Variants in MORC1 observed in about 807,000 individuals in gnomAD.
The protein encoded by MORC1 is MORC family CW-type zinc finger protein 1.
Under a neutral mutation model 134.9 loss-of-function variants are expected in MORC1, and 59 were observed. The observed-to-expected ratio is 0.44, with a 90% CI of 0.35 to 0.54. The LOEUF is 0.54. Among genes scored for constraint, MORC1 ranks in the 20% least tolerant of loss-of-function variants. The pLI is 0.00. For synonymous variants in MORC1, 395 were observed against 391.7 expected, an observed-to-expected ratio of 1.01 and a Z score of -0.10; for missense variants, 947 against 1,134.5, an observed-to-expected ratio of 0.83 and a Z score of 2.37.
At chr3:108,966,114 T>C (rs541394312) in intron 26 of MORC1, among the ~76,000 whole-genome samples, 28 of 152,340 alleles carry the variant, frequency 1.8e-4, no homozygotes, top group African/African-American at 5.3e-4. Context: ...AACATTTTAA[T>C]TAAGGTGAGA....
intron 17 of MORC1, among the ~76,000 whole-genome samples, chr3:109,022,036 G>A (rs752157747): frequency 2.6e-5 from 4 of 152,086 alleles, no homozygotes; most frequent in Non-Finnish European, 4.4e-5. Context: ...ATCCCTCTTC[G>A]AAAAGCAATA....
At chr3:109,085,912 T>C (rs2107743661) in intron 8 of MORC1, among the ~76,000 whole-genome samples, 1 of 152,140 alleles carries the variant, frequency 6.6e-6, no homozygotes, top group East Asian at 1.9e-4. Context: ...TACTCAGCCA[T>C]AAAAAAGTAT....
intron 24 of MORC1, among the ~76,000 whole-genome samples, chr3:108,977,318 G>A (rs1447840327): frequency 6.6e-6 from 1 of 152,186 alleles, no homozygotes; most frequent in Non-Finnish European, 1.5e-5. Context: ...TAAAAAGTAA[G>A]TGGGTGGATG....
At chr3:109,005,358 C>T in intron 18 of MORC1, 43 bp from the exon 19 acceptor site, 1 of 1,501,396 alleles carries the variant, frequency 6.7e-7, no homozygotes, top group Admixed American at 2.2e-5. Flanking sequence ...GGTAGATAGC[C>T]TATTTATAAT....
rs370380941 is a variant in MORC1 at position 109,004,864 on chromosome 3, T to C, written c.2038A>G (p.Thr680Ala). Reference sequence around the variant, plus strand: ...TCAGTTGGTTGAGCTCTCCAGACAGTGGTAATATTAGCAATCTGACTTCTC... The same window carrying C: ...TCAGTTGGTTGAGCTCTCCAGACAGCGGTAATATTAGCAATCTGACTTCTC... Reference protein sequence around the residue: ...SQRSQIANITTVWRAQPTEGC... With the variant: ...SQRSQIANITAVWRAQPTEGC... The change falls in exon 20 of 28, where the codon ACT (threonine) becomes GCT (alanine). Residue 680 changes from threonine to alanine, a missense_variant. By Grantham distance (58) the Thr-to-Ala change is moderately conservative (BLOSUM62 0). This residue lies in a region of MORC1 where 722 missense variants were observed against 817.0 expected (regional missense o/e 0.88). Transcript: ENST00000232603. 6.2e-6 allele frequency: 10 copies of C among 1,613,526 alleles called. No individual in the cohort carries two copies. Among genetic ancestry groups the C allele is most frequent in the East Asian group, 4.5e-5 (2 of 44,848 alleles).
chr3:109,106,957 C>A (rs1312112186), intron 3 of MORC1, among the ~76,000 whole-genome samples: 2 of 152,156 alleles, frequency 1.3e-5, no homozygotes, highest in East Asian at 1.9e-4. Context: ...CATGACCGGG[C>A]CATCTGGATA....
At chr3:109,040,435 A>AAGGAAGGAAGGAAGGGAG (rs1949498042) in intron 14 of MORC1, among the ~76,000 whole-genome samples, 1 of 35,006 alleles carries the variant, frequency 2.9e-5, no homozygotes, top group Non-Finnish European at 7.6e-5. Flanking sequence ...AAGGAAAGAA[A>AAGGAAGGAAGGAAGGGAG]GAAAGAAAGA....
intron 8 of MORC1, among the ~76,000 whole-genome samples, chr3:109,080,450 G>C (rs1363514140): frequency 1.3e-5 from 2 of 152,116 alleles, no homozygotes; most frequent in Non-Finnish European, 2.9e-5. Context: ...AGATCTGGGT[G>C]GGGACACAGC....
At chr3:109,011,336 T>C (rs1043351543) in intron 17 of MORC1, among the ~76,000 whole-genome samples, 3 of 152,212 alleles carry the variant, frequency 2.0e-5, no homozygotes, top group African/African-American at 7.2e-5. Context: ...ATTTTAACTT[T>C]ATCCATCGTA....
At chr3:108,968,278 T>C (rs993091606) in intron 26 of MORC1, among the ~76,000 whole-genome samples, 1 of 152,230 alleles carries the variant, frequency 6.6e-6, no homozygotes, top group Non-Finnish European at 1.5e-5. Context: ...AGTTGAACAG[T>C]AATGGGAGAC....
intron 26 of MORC1, among the ~76,000 whole-genome samples, chr3:108,963,961 G>A (rs1229716082): frequency 6.6e-6 from 1 of 152,194 alleles, no homozygotes; most frequent in East Asian, 1.9e-4. Flanking sequence ...AAAGTGAGCA[G>A]GTGCCTGTGA....
chr3:109,066,429 G>A (rs1950197491), intron 9 of MORC1, among the ~76,000 whole-genome samples: 1 of 152,000 alleles, frequency 6.6e-6, no homozygotes, highest in Non-Finnish European at 1.5e-5. Flanking sequence ...GGGATTACAG[G>A]TGCATGCCAC....
At chr3:108,989,611 T>C (rs182914420) in intron 21 of MORC1, among the ~76,000 whole-genome samples, 1 of 152,280 alleles carries the variant, frequency 6.6e-6, no homozygotes, top group East Asian at 1.9e-4. Flanking sequence ...CTGAGTGATA[T>C]CACTTTATCT....
At chr3:109,072,083 A>G (rs990011814) in intron 8 of MORC1, among the ~76,000 whole-genome samples, 2 of 152,198 alleles carry the variant, frequency 1.3e-5, no homozygotes, top group African/African-American at 4.8e-5. Context: ...TAATAAAAAG[A>G]AGGCAAAGAG....
chr3:108,995,681 T>C (rs964705296), intron 21 of MORC1, among the ~76,000 whole-genome samples: 1 of 152,072 alleles, frequency 6.6e-6, no homozygotes, highest in Admixed American at 6.6e-5. Context: ...AAAAGCTGGG[T>C]CTTAGAAGAA....
At chr3:109,030,187 G>A (rs1048085780) in intron 16 of MORC1, among the ~76,000 whole-genome samples, 9 of 152,206 alleles carry the variant, frequency 5.9e-5, no homozygotes, top group African/African-American at 9.6e-5. Context: ...CCATTACTCC[G>A]TCCTGCTACT....
intron 14 of MORC1, among the ~76,000 whole-genome samples, chr3:109,042,338 C>A (rs1192261214): frequency 6.6e-6 from 1 of 152,122 alleles, no homozygotes; most frequent in Non-Finnish European, 1.5e-5. Context: ...TTTAAATGCT[C>A]CATGTGACTA....
intron 21 of MORC1, among the ~76,000 whole-genome samples, chr3:108,996,286 G>GCACACACACACACACACA (rs66629906): frequency 6.7e-4 from 98 of 146,436 alleles, no homozygotes; most frequent in African/African-American, 1.9e-3. Context: ...GCGCGCGCGC[G>GCACACACACACACACACA]CACACACACA....
At chr3:109,008,290 G>A (rs1405606375) in intron 17 of MORC1, among the ~76,000 whole-genome samples, 1 of 151,960 alleles carries the variant, frequency 6.6e-6, no homozygotes, top group African/African-American at 2.4e-5. Flanking sequence ...GACATTTCTG[G>A]GTCAACAGGT....
Sources: gnomAD v4.1 joint callset for allele counts (sites outside exome capture counted in the v4.1 genomes callset) on GRCh38, gnomAD v4.1.1 for gene constraint, gnomAD v4.1.1 regional missense constraint, MANE v1.5 for transcripts, NCBI Gene and HGNC (gene_info 2026-07-23, HGNC 2026-07-21) for gene names.